LY75: variants seen among roughly 807,000 people sequenced by gnomAD.
LY75 encodes the protein lymphocyte antigen 75.
In LY75, 185 loss-of-function variants were observed where a neutral mutation model predicts 231.7. That is an observed-to-expected ratio of 0.80 (90% CI 0.71 to 0.90). The LOEUF is 0.90. LY75 is among the 40% of genes least tolerant of loss of function. The pLI is 0.00. For synonymous variants in LY75, 668 were observed against 689.0 expected, an observed-to-expected ratio of 0.97 and a Z score of 0.48; for missense variants, 1,947 against 2,050.2, an observed-to-expected ratio of 0.95 and a Z score of 0.97.
rs1684000826 is a variant in LY75 at position 159,840,797 on chromosome 2, G to T, written c.3439C>A (p.Gln1147Lys). Residue 1147 changes from glutamine (Q) to lysine (K), a missense_variant, in exon 25 of 35, where the codon CAG becomes AAG. By Grantham distance (53) the Gln-to-Lys change is moderately conservative. Transcript: ENST00000263636. The part of the protein sequence containing the change: ...QLVSITDPYQ[Q>K]AFLSVQALLH... ...AGCGCCTGCACACTGAGGAATGCCT[G>T]CTGGTAAGGGTCCGTGATGCTCACC... 3.1e-6 allele frequency: 5 copies of T among 1,614,092 alleles called. No homozygotes were observed. The East Asian group carries it at 1.1e-4, about 36-fold the overall frequency.
Position 159,815,664 on chromosome 2 carries a change from T to C in LY75, c.4381-91A>G, listed in dbSNP as rs188182435. Reference sequence around the variant, plus strand: ...AACATACATACTTTAAGAAATATTATAATGGAATATTAATTATTTGCTTAC... The same window carrying C: ...AACATACATACTTTAAGAAATATTACAATGGAATATTAATTATTTGCTTAC... On this transcript the variant is annotated intron_variant, in intron 30 of 34. Coordinates refer to ENST00000263636, the MANE Select transcript of LY75 (RefSeq NM_002349.4). 9.2e-5 allele frequency: 128 copies of C among 1,395,924 alleles called. No homozygotes were observed. The African/African-American group carries it at 1.5e-3, about 17-fold the overall frequency. The allele number at this position is 1,395,924 out of a possible 1,614,324, so 86.5% of individuals were successfully genotyped here.
chr2:159,816,800 A>C lies in LY75; in HGVS notation c.4380+6T>G. 1 of 1,612,408 alleles carries C rather than the reference A, an allele frequency of 6.2e-7. No individual in the cohort carries two copies. Among genetic ancestry groups the C allele is most frequent in the Non-Finnish European group, 8.5e-7 (1 of 1,178,852 alleles). On this transcript the variant is annotated splice_donor_region_variant and intron_variant, in intron 30 of 34. Transcript: ENST00000263636. ...AAAAGTTTCTGGAAAACGAAGCAAG[A>C]CTTACATCATGACTTGAGAGCCCAA...
At chr2:159,812,773 A>G (rs906839689) in intron 31 of LY75, among the ~76,000 whole-genome samples, 3 of 152,146 alleles carry the variant, frequency 2.0e-5, no homozygotes, top group Non-Finnish European at 4.4e-5. Context: ...TTGTACAACT[A>G]TCACCACCAC....
Position 159,803,366 on chromosome 2 carries a change from C to T in LY75, c.*1678G>A, listed in dbSNP as rs1353581873. 6.6e-6 allele frequency: 1 copy of T among 151,978 alleles called. No individual in the cohort carries two copies. Among genetic ancestry groups the T allele is most frequent in the East Asian group, 1.9e-4 (1 of 5,196 alleles). 9.4% of individuals were successfully genotyped at this position (151,978 alleles called of 1,614,324 possible). On this transcript the variant is annotated 3_prime_UTR_variant, in exon 35 of 35. Coordinates refer to ENST00000263636, the MANE Select transcript of LY75 (RefSeq NM_002349.4). ...ATCAACTCCAGCACTTTTACTTTTA[C>T]TTAAAAGATAAAACAACTTTATTAT... is the stretch of plus-strand genomic sequence containing the variant.
At chr2:159,849,252 T>A (rs1462900883) in intron 23 of LY75, among the ~76,000 whole-genome samples, 2 of 152,202 alleles carry the variant, frequency 1.3e-5, no homozygotes, top group African/African-American at 4.8e-5. Flanking sequence ...ACTTTTATGT[T>A]AATTTCTCAA....
Position 159,870,522 on chromosome 2 carries a change from A to G in LY75, c.2117+1929T>C, listed in dbSNP as rs574947696. Among the ~76,000 whole-genome samples, 4 of 152,270 alleles carry G rather than the reference A, an allele frequency of 2.6e-5. No individual in the cohort carries two copies. The South Asian group carries it at 8.3e-4, about 32-fold the overall frequency. The stretch of plus-strand genomic sequence containing the variant: ...AAAACATTCTATTCATTTATTTTTT[A>G]CAGACAGCATCTCACTCTGTTGCCC... On this transcript the variant is annotated intron_variant, in intron 13 of 34. Transcript: ENST00000263636.
chr2:159,885,938 T>C (rs1574593107), intron 5 of LY75, among the ~76,000 whole-genome samples: 1 of 152,338 alleles, frequency 6.6e-6, no homozygotes, highest in Non-Finnish European at 1.5e-5. Flanking sequence ...TTTGCTTGTT[T>C]TATTCCCTAA....
Position 159,885,213 on chromosome 2 carries a change from A to G in LY75, c.994T>C (p.Cys332Arg), listed in dbSNP as rs1685548105. ...AESGLWQSFS[C>R]EAQLPYVCRK... ...CAGACATAGGGCAGTTGAGCTTCAC[A>G]GGAAAAGCTCTGCCACAGACCAGAC... is the stretch of plus-strand genomic sequence containing the variant. Residue 332 changes from cysteine (C) to arginine (R), a missense_variant, in exon 6 of 35, where the codon TGT becomes CGT. Coordinates refer to ENST00000263636, the MANE Select transcript of LY75 (RefSeq NM_002349.4). 2 of 1,613,722 alleles carry G rather than the reference A, an allele frequency of 1.2e-6. No individual in the cohort carries two copies. The highest frequency in any genetic ancestry group is 2.7e-5 in the African/African-American group (2 of 75,030).
intron 9 of LY75, 59 bp downstream of exon 9, chr2:159,879,200 A>C (rs190623668): frequency 6.4e-7 from 1 of 1,567,300 alleles, no homozygotes; most frequent in Non-Finnish European, 8.6e-7. Context: ...CTCAGCTACC[A>C]TTTCTAACCA....
intron 4 of LY75, among the ~76,000 whole-genome samples, chr2:159,888,126 G>A (rs1685647801): frequency 6.6e-6 from 1 of 152,142 alleles, no homozygotes; most frequent in South Asian, 2.1e-4. Flanking sequence ...AGTAAGAAAG[G>A]AGGTCTGAAT....
chr2:159,805,718 G>A (rs976610928), intron 34 of LY75, among the ~76,000 whole-genome samples: 2 of 152,162 alleles, frequency 1.3e-5, no homozygotes, highest in African/African-American at 2.4e-5. Context: ...TGCCCAGATG[G>A]ATTCGCTCTG....
intron 23 of LY75, among the ~76,000 whole-genome samples, chr2:159,845,549 A>T (rs549026616): frequency 4.2e-4 from 63 of 151,482 alleles, no homozygotes; most frequent in Admixed American, 1.2e-3. Context: ...TTGAGAAAAA[A>T]TTTTTTTTGT....
At chr2:159,817,164 T>C (rs946094642) in intron 29 of LY75, 132 bp from the exon 30 acceptor site, 2 of 971,346 alleles carry the variant, frequency 2.1e-6, no homozygotes, top group African/African-American at 1.7e-5. Flanking sequence ...GTCAAATGTA[T>C]ATTTTATTTT....
intron 23 of LY75, among the ~76,000 whole-genome samples, chr2:159,843,336 A>G (rs1684100539): frequency 6.6e-6 from 1 of 152,168 alleles, no homozygotes; most frequent in Non-Finnish European, 1.5e-5. Context: ...GATTTTTTAA[A>G]TACCATAAGC....
At chr2:159,819,996 A>C (rs1683238127) in intron 28 of LY75, 76 bp from the exon 29 acceptor site, 1 of 1,385,180 alleles carries the variant, frequency 7.2e-7, no homozygotes, top group African/African-American at 1.5e-5. Flanking sequence ...TTAAGATTTC[A>C]AACTTGACTA....
intron 3 of LY75, among the ~76,000 whole-genome samples, chr2:159,891,288 T>C (rs1047793159): frequency 6.6e-6 from 1 of 152,218 alleles, no homozygotes; most frequent in Non-Finnish European, 1.5e-5. Context: ...TAGAGGTGAC[T>C]GTGACAGAGC....
At chr2:159,892,083 A>G (rs992683728) in intron 3 of LY75, among the ~76,000 whole-genome samples, 4 of 152,162 alleles carry the variant, frequency 2.6e-5, no homozygotes, top group African/African-American at 9.7e-5. Flanking sequence ...TATCAGCACT[A>G]CCTGGAAACT....
In LY75 at chr2:159,850,470, G is replaced by T; in HGVS notation, c.2884-3C>A. ...ACGGGTTTGATCTTTAGAAAACACT[G>T]CAAACAAAGACATATGTGAAGCATG... On this transcript the variant is annotated splice_region_variant and splice_polypyrimidine_tract_variant and intron_variant, in intron 21 of 34. Coordinates refer to ENST00000263636, the MANE Select transcript of LY75 (RefSeq NM_002349.4). 6.2e-7 allele frequency: 1 copy of T among 1,613,184 alleles called. No individual in the cohort carries two copies. The highest frequency in any genetic ancestry group is 8.5e-7 in the Non-Finnish European group (1 of 1,179,474).
At chr2:159,847,676 C>A (rs1303327450) in intron 23 of LY75, among the ~76,000 whole-genome samples, 1 of 152,158 alleles carries the variant, frequency 6.6e-6, no homozygotes, top group African/African-American at 2.4e-5. Context: ...CACATCTTAA[C>A]TGCTTGATAT....
Sources: gnomAD v4.1 joint callset for allele counts (sites outside exome capture counted in the v4.1 genomes callset) on GRCh38, gnomAD v4.1.1 for gene constraint, MANE v1.5 for transcripts, NCBI Gene and HGNC (gene_info 2026-07-23, HGNC 2026-07-21) for gene names.